DNALI1: variants seen among roughly 807,000 people sequenced by gnomAD.
The protein encoded by DNALI1 is axonemal dynein light intermediate polypeptide 1.
DNALI1 carries 31 observed loss-of-function variants against 33.9 expected under a neutral mutation model. The ratio of observed to expected loss-of-function variants is 0.91; its 90% CI spans 0.69 to 1.23. The LOEUF (loss-of-function observed/expected upper bound fraction) is 1.23, where lower values mean the gene tolerates loss of function less well. Among genes scored for constraint, DNALI1 ranks in the 50% most tolerant of loss-of-function variants. The pLI, the probability that DNALI1 is intolerant of heterozygous loss-of-function variation, is 0.00. For synonymous variants in DNALI1, 117 were observed against 129.2 expected, an observed-to-expected ratio of 0.91 and a Z score of 0.64; for missense variants, 305 against 323.8, an observed-to-expected ratio of 0.94 and a Z score of 0.44.
chr1:37,565,196 T>C lies in DNALI1; in HGVS notation c.*135T>C. The C allele has an allele frequency of 1.1e-6, 1 of 905,190 alleles. No individual in the cohort carries two copies. The highest frequency in any genetic ancestry group is 1.8e-6 in the Non-Finnish European group (1 of 569,142). The allele number at this position is 905,190 out of a possible 1,614,324, so 56.1% of individuals were successfully genotyped here. A position where few individuals can be genotyped will look rare whatever the true frequency, so the allele number is the denominator to read the frequency against. ...TGAGTGAACAAGCCATAACCTCCCC[T>C]AAACACCACCTAGGTATTTGTTAGA... On this transcript the variant is annotated 3_prime_UTR_variant, in exon 6 of 6. Transcript: ENST00000652629.
At position 37,561,298 on chromosome 1, in the gene DNALI1, CTT is replaced by C. The variant is rs1643435082; in HGVS notation, c.398-258_398-257del. On this transcript the variant is annotated intron_variant, in intron 3 of 5. Transcript: ENST00000652629. This position sits in a 1 kb window ranked among gnomAD's most constrained non-coding sequence, Gnocchi z 4.6. ...CAGTGCTGTAAACAAACCAGAGCCT[CTT>C]GTCTCCTTTGCTCTGGCCAACCCAG... The C allele has an allele frequency of 6.7e-6, 3 of 449,128 alleles. No individual in the cohort carries two copies. The highest frequency in any genetic ancestry group is 1.2e-5 in the Non-Finnish European group (3 of 247,900). The allele number at this position is 449,128 out of a possible 1,614,324, so 27.8% of individuals were successfully genotyped here.
At chr1:37,557,312 C>T (rs915048350) in intron 1 of DNALI1, among the ~76,000 whole-genome samples, 2 of 152,128 alleles carry the variant, frequency 1.3e-5, no homozygotes, top group African/African-American at 4.8e-5. Flanking sequence ...GGATGGGGCT[C>T]ACTCTTCTTA....
At chr1:37,564,049 C>A (rs1337389822) in intron 5 of DNALI1, among the ~76,000 whole-genome samples, 1 of 151,700 alleles carries the variant, frequency 6.6e-6, no homozygotes, top group Non-Finnish European at 1.5e-5. Flanking sequence ...GCCTGGCCAA[C>A]GTGGTGAAAC....
chr1:37,565,314 T>G lies in DNALI1; in HGVS notation c.*253T>G. 1.9e-6 allele frequency: 1 copy of G among 533,344 alleles called. No homozygotes were observed. The highest frequency in any genetic ancestry group is 3.3e-6 in the Non-Finnish European group (1 of 298,814). 33.0% of individuals were successfully genotyped at this position (533,344 alleles called of 1,614,324 possible). A position where few individuals can be genotyped will look rare whatever the true frequency, so the allele number is the denominator to read the frequency against. On this transcript the variant is annotated 3_prime_UTR_variant, in exon 6 of 6. Transcript: ENST00000652629. ...GGAAGATGGTGTGGCCCTGTTAGTC[T>G]CCGTGTGTGGCTTACTAGCCAGCCT...
Position 37,557,727 on chromosome 1 carries a change from T to G in DNALI1, c.206T>G (p.Leu69Trp). Residue 69 changes from leucine to tryptophan, a missense_variant, in exon 2 of 6, where the codon TTG becomes TGG. Transcript: ENST00000652629. ...PDPTKQAEEI[L>W]NAILPPREWV... ...CCTACAAAGCAGGCAGAAGAAATCT[T>G]GAATGCCATACTACCCCCAAGGTAA... 6.2e-7 allele frequency: 1 copy of G among 1,613,746 alleles called. No homozygotes were observed. Among genetic ancestry groups the G allele is most frequent in the Non-Finnish European group, 8.5e-7 (1 of 1,179,852 alleles).
intron 2 of DNALI1, among the ~76,000 whole-genome samples, chr1:37,558,421 C>G (rs1392780447): frequency 1.3e-5 from 2 of 152,220 alleles, no homozygotes; most frequent in East Asian, 3.9e-4. Context: ...AGTCATAAGT[C>G]AGATCATGCC....
At position 37,561,918 on chromosome 1, in the gene DNALI1, G is replaced by A. The variant is rs1643444414; in HGVS notation, c.577-163G>A. 5 of 1,368,552 alleles carry A rather than the reference G, an allele frequency of 3.7e-6. No individual in the cohort carries two copies. Among genetic ancestry groups the A allele is most frequent in the Non-Finnish European group, 5.0e-6 (5 of 1,005,796 alleles). 84.8% of individuals were successfully genotyped at this position (1,368,552 alleles called of 1,614,324 possible). A position where few individuals can be genotyped will look rare whatever the true frequency, so the allele number is the denominator to read the frequency against. ...GTATGATGGCCAGCCTGGTGGTCTT[G>A]GCAGAGTTGTTTCCGCTGTAGACGC... is the stretch of plus-strand genomic sequence containing the variant. On this transcript the variant is annotated intron_variant, in intron 4 of 5. Coordinates refer to ENST00000652629, the MANE Select transcript of DNALI1 (RefSeq NM_003462.5). This position sits in a 1 kb window ranked among gnomAD's most constrained non-coding sequence, Gnocchi z 4.6.
chr1:37,557,653 C>T lies in DNALI1; in HGVS notation c.132C>T (p.Ala44=), dbSNP rs755996510. 3 of 1,613,952 alleles carry T rather than the reference C, an allele frequency of 1.9e-6. No homozygotes were observed. The highest frequency in any genetic ancestry group is 2.5e-6 in the Non-Finnish European group (3 of 1,180,010). ...AGCAGCCTGGACCTTCAGGTTCAGC[C>T]CCACAGCCACCCAAGACCAAGCTCC... ...SPQQPGPSGS[A]PQPPKTKLPS... The change falls in exon 2 of 6, where the codon GCC becomes GCT. Residue 44 remains alanine, a synonymous_variant. Transcript: ENST00000652629.
rs199901027 is a variant in DNALI1 at position 37,559,378 on chromosome 1, T to C, written c.279T>C (p.Pro93=). 10 of 1,612,598 alleles carry C rather than the reference T, an allele frequency of 6.2e-6. No homozygotes were observed. Among genetic ancestry groups the C allele is most frequent in the Middle Eastern group, 1.8e-4 (1 of 5,446 alleles). ...GGATCCAGCAGGTGTCCAGCACCCCTAGCACCAGGATGGACGTGGTGCACC... is the reference window on the plus strand; with the variant it reads ...GGATCCAGCAGGTGTCCAGCACCCCCAGCACCAGGATGGACGTGGTGCACC... ...QLWIQQVSST[P]STRMDVVHLQ... The change falls in exon 3 of 6, where the codon CCT becomes CCC. Residue 93 remains proline (P), a synonymous_variant. Coordinates refer to ENST00000652629, the MANE Select transcript of DNALI1 (RefSeq NM_003462.5). This position sits in a 1 kb window ranked among gnomAD's most constrained non-coding sequence, Gnocchi z 5.3.
In DNALI1 at chr1:37,557,042, G is replaced by T. The variant is rs1448402986; in HGVS notation, c.48G>T (p.Leu16=). Residue 16 remains leucine (L), a synonymous_variant, in exon 1 of 6, where the codon CTG becomes CTT. Transcript: ENST00000652629. ...DSLLKYDTPV[L]VSRNTEKRSP... ...TGCTCAAGTACGACACCCCAGTGCT[G>T]GTGAGCCGGAACACGGAGAAACGGA... 6.2e-7 allele frequency: 1 copy of T among 1,614,236 alleles called. No individual in the cohort carries two copies. The highest frequency in any genetic ancestry group is 8.5e-7 in the Non-Finnish European group (1 of 1,180,038).
At chr1:37,563,230 G>A (rs941933971) in intron 5 of DNALI1, among the ~76,000 whole-genome samples, 1 of 152,156 alleles carries the variant, frequency 6.6e-6, no homozygotes, top group Non-Finnish European at 1.5e-5. Context: ...CGATAAAGAA[G>A]GCTTTCTGTT....
chr1:37,557,850 T>C, intron 2 of DNALI1, 102 bp downstream of exon 2: 2 of 1,522,692 alleles, frequency 1.3e-6, no homozygotes, highest in Non-Finnish European at 1.8e-6. Flanking sequence ...TGGCTGGGGT[T>C]TCCTCCCAGT....
In DNALI1 at chr1:37,561,632, G is replaced by C; in HGVS notation, c.473G>C (p.Arg158Pro). The C allele has an allele frequency of 6.2e-7, 1 of 1,613,782 alleles. No individual in the cohort carries two copies. The highest frequency in any genetic ancestry group is 8.5e-7 in the Non-Finnish European group (1 of 1,179,862). The change falls in exon 4 of 6, where the codon CGC (arginine) becomes CCC (proline). Residue 158 changes from arginine to proline, a missense_variant. Physicochemically the swap from Arg to Pro is moderately radical, Grantham distance 103. Coordinates refer to ENST00000652629, the MANE Select transcript of DNALI1 (RefSeq NM_003462.5). This position sits in a 1 kb window ranked among gnomAD's most constrained non-coding sequence, Gnocchi z 4.6. ...LLLLRVRDEI[R>P]MTIAAYQTLY... The stretch of plus-strand genomic sequence containing the variant: ...CTGCTGCGAGTCCGGGACGAGATCC[G>C]CATGACCATCGCTGCCTACCAGACC...
rs1315728050 is a variant in DNALI1, at chr1:37,565,273, C to T, written c.*212C>T. 1.7e-6 allele frequency: 1 copy of T among 591,638 alleles called. No individual in the cohort carries two copies. The highest frequency in any genetic ancestry group is 2.9e-5 in the East Asian group (1 of 34,592). 36.6% of individuals were successfully genotyped at this position (591,638 alleles called of 1,614,324 possible). ...AGACACCTAAGGTCTGCCAGCCAGG[C>T]TCCTGGCTGGGCAATGGAAGATGGT... On this transcript the variant is annotated 3_prime_UTR_variant, in exon 6 of 6. Transcript: ENST00000652629.
At chr1:37,561,000 G>A (rs549642112) in intron 3 of DNALI1, 2 of 152,726 alleles carry the variant, frequency 1.3e-5, no homozygotes, top group African/African-American at 2.4e-5. Context: ...TCTTATGGAC[G>A]CCGATCTGCA....
At position 37,565,479 on chromosome 1, in the gene DNALI1, G is replaced by T; in HGVS notation, c.*418G>T. On this transcript the variant is annotated 3_prime_UTR_variant, in exon 6 of 6. Coordinates refer to ENST00000652629, the MANE Select transcript of DNALI1 (RefSeq NM_003462.5). ...ACAATTCATCTTCTACCTTAACTTG[G>T]GCTTCTTGGGCCTCTGGCCTTCCTT... 1 of 164,378 alleles carries T rather than the reference G, an allele frequency of 6.1e-6. No homozygotes were observed. Among genetic ancestry groups the T allele is most frequent in the Non-Finnish European group, 1.3e-5 (1 of 76,156 alleles). The allele number at this position is 164,378 out of a possible 1,614,324, so 10.2% of individuals were successfully genotyped here. A position where few individuals can be genotyped will look rare whatever the true frequency, so the allele number is the denominator to read the frequency against.
In DNALI1 at chr1:37,563,652, G is replaced by A. The variant is rs980556273; in HGVS notation, c.742-1374G>A. Among the ~76,000 whole-genome samples, 17 of 151,978 alleles carry A rather than the reference G, an allele frequency of 1.1e-4. No homozygotes were observed. In the South Asian group the frequency reaches 1.2e-3, roughly 11 times the overall value. On this transcript the variant is annotated intron_variant, in intron 5 of 5. Transcript: ENST00000652629. The stretch of plus-strand genomic sequence containing the variant: ...ATTACAGGCATGTGCCAGCACGCCC[G>A]GCAAATTTCTGTATTTTGAATAGAG...
chr1:37,558,087 T>C lies in DNALI1; in HGVS notation c.227+339T>C, dbSNP rs1021584686. ...TCATTATCTTCATGAAGATATCTAA[T>C]AGACATCTCAAACTCAATATATTCA... On this transcript the variant is annotated intron_variant, in intron 2 of 5. Transcript: ENST00000652629. The C allele has an allele frequency of 2.1e-5, 5 of 234,112 alleles. No individual in the cohort carries two copies. In the Admixed American group the frequency reaches 2.3e-4, roughly 11 times the overall value. 14.5% of individuals were successfully genotyped at this position (234,112 alleles called of 1,614,324 possible). A position where few individuals can be genotyped will look rare whatever the true frequency, so the allele number is the denominator to read the frequency against.
Position 37,566,565 on chromosome 1 carries a change from C to T in DNALI1, c.*1504C>T. 1 of 331,194 alleles carries T rather than the reference C, an allele frequency of 3.0e-6. No individual in the cohort carries two copies. Among genetic ancestry groups the T allele is most frequent in the Admixed American group, 4.5e-5 (1 of 22,134 alleles). 20.5% of individuals were successfully genotyped at this position (331,194 alleles called of 1,614,324 possible). On this transcript the variant is annotated 3_prime_UTR_variant, in exon 6 of 6. Transcript: ENST00000652629. ...TTACCAATAAAAACGAAATACCACC[C>T]TTTCCATTTTATAGACCTCATCCCC... is the stretch of plus-strand genomic sequence containing the variant.
Sources: allele counts gnomAD v4.1 joint callset (sites outside exome capture counted in the v4.1 genomes callset), GRCh38; gene constraint gnomAD v4.1.1; non-coding constraint Gnocchi (gnomAD v3.1); transcripts MANE v1.5; gene names NCBI Gene and HGNC (gene_info 2026-07-23, HGNC 2026-07-21).